PDGFC: variants seen among roughly 807,000 people sequenced by gnomAD.
PDGFC encodes platelet-derived growth factor C.
Under a neutral mutation model 35.5 loss-of-function variants are expected in PDGFC, and 12 were observed. The ratio of observed to expected loss-of-function variants is 0.34; its 90% CI spans 0.22 to 0.55. The LOEUF (loss-of-function observed/expected upper bound fraction) is 0.55, where lower values mean the gene tolerates loss of function less well. PDGFC is among the 20% of genes least tolerant of loss of function. The pLI, the probability that PDGFC is intolerant of heterozygous loss-of-function variation, is 0.91. For missense variants in PDGFC, 322 were observed against 412.4 expected (o/e 0.78, Z 1.90); for synonymous variants, 159 against 148.8 (o/e 1.07, Z -0.50).
chr4:156,799,425 T>C (rs1731536750), intron 3 of PDGFC, among the ~76,000 whole-genome samples: 1 of 152,182 alleles, frequency 6.6e-6, no homozygotes, highest in African/African-American at 2.4e-5. Flanking sequence ...AGTCCTTAGA[T>C]TTGTGTTTTC....
intron 1 of PDGFC, among the ~76,000 whole-genome samples, chr4:156,945,420 A>C (rs1731923848): frequency 1.5e-5 from 2 of 137,722 alleles, no homozygotes; most frequent in African/African-American, 5.3e-5. Context: ...CAACAGTAAT[A>C]TGCTTTCTTC....
At chr4:156,796,126 T>C (rs560681474) in intron 3 of PDGFC, among the ~76,000 whole-genome samples, 90 of 152,242 alleles carry the variant, frequency 5.9e-4, no homozygotes, top group African/African-American at 2.1e-3. Flanking sequence ...TGCAGAGTTT[T>C]AGATAAAGAT....
chr4:156,804,890 G>T (rs1276143635), intron 3 of PDGFC, among the ~76,000 whole-genome samples: 1 of 150,858 alleles, frequency 6.6e-6, no homozygotes, highest in Admixed American at 6.6e-5. Context: ...CAAACCTCAA[G>T]GTTTCAATTA....
chr4:156,773,386 T>C (rs1730739673), intron 3 of PDGFC, among the ~76,000 whole-genome samples: 1 of 152,148 alleles, frequency 6.6e-6, no homozygotes, highest in African/African-American at 2.4e-5. Context: ...TTAATCAAGA[T>C]AGAAAATATC....
chr4:156,760,960 T>C lies in PDGFC; in HGVS notation c.*2130A>G, dbSNP rs1290037396. On this transcript the variant is annotated 3_prime_UTR_variant, in exon 6 of 6. Coordinates refer to ENST00000502773, the MANE Select transcript of PDGFC (RefSeq NM_016205.3). ...TATATCTAGTTGGCCTCTATATGGATAGGACAAAACCAGGAAAAGGTAAGG... is the reference window on the plus strand; with the variant it reads ...TATATCTAGTTGGCCTCTATATGGACAGGACAAAACCAGGAAAAGGTAAGG... 6.6e-6 allele frequency: 1 copy of C among 152,082 alleles called. No individual in the cohort carries two copies. Among genetic ancestry groups the C allele is most frequent in the Non-Finnish European group, 1.5e-5 (1 of 68,028 alleles). 9.4% of individuals were successfully genotyped at this position (152,082 alleles called of 1,614,324 possible).
intron 1 of PDGFC, among the ~76,000 whole-genome samples, chr4:156,970,505 C>A (rs1203145229): frequency 6.6e-6 from 1 of 152,198 alleles, no homozygotes; most frequent in African/African-American, 2.4e-5. Flanking sequence ...AATGAGCGAA[C>A]CTGCAATGTG....
chr4:156,896,276 C>G (rs1468880556), intron 1 of PDGFC, among the ~76,000 whole-genome samples: 3 of 152,124 alleles, frequency 2.0e-5, no homozygotes, highest in Non-Finnish European at 4.4e-5. Flanking sequence ...TGAGGATTAA[C>G]AACTCTCCAC....
chr4:156,971,336 TCGG>T lies in PDGFC; in HGVS notation c.-436_-434del, dbSNP rs1732588517. On this transcript the variant is annotated 5_prime_UTR_variant, in exon 1 of 6. Transcript: ENST00000502773. ...GCCCGCAGCCAGACTGGAAGCCAAG[TCGG>T]CGGCGAGCAGTTTCTGATCAATAAC... 5.0e-6 allele frequency: 2 copies of T among 399,016 alleles called. No individual in the cohort carries two copies. The highest frequency in any genetic ancestry group is 8.8e-6 in the Non-Finnish European group (2 of 226,516). 24.7% of individuals were successfully genotyped at this position (399,016 alleles called of 1,614,324 possible). A position where few individuals can be genotyped will look rare whatever the true frequency, so the allele number is the denominator to read the frequency against.
chr4:156,860,242 A>G (rs1230434955), intron 1 of PDGFC, among the ~76,000 whole-genome samples: 1 of 152,186 alleles, frequency 6.6e-6, no homozygotes, highest in Non-Finnish European at 1.5e-5. Context: ...CTCAGGGCCA[A>G]CTTTGAAGAG....
At chr4:156,820,946 A>G (rs563602190) in intron 2 of PDGFC, among the ~76,000 whole-genome samples, 40 of 152,310 alleles carry the variant, frequency 2.6e-4, no homozygotes, top group Non-Finnish European at 4.9e-4. Flanking sequence ...AATATTTTGG[A>G]AAAAGGCTCT....
chr4:156,860,098 T>C (rs1729674582), intron 1 of PDGFC, among the ~76,000 whole-genome samples: 1 of 152,194 alleles, frequency 6.6e-6, no homozygotes, highest in Non-Finnish European at 1.5e-5. Flanking sequence ...TATGCTTTTA[T>C]TCAAAATAGA....
At chr4:156,827,214 G>T (rs1395942249) in intron 2 of PDGFC, among the ~76,000 whole-genome samples, 1 of 152,096 alleles carries the variant, frequency 6.6e-6, no homozygotes. Flanking sequence ...TCAGGAGATT[G>T]AGACCATCCT....
intron 3 of PDGFC, among the ~76,000 whole-genome samples, chr4:156,789,197 A>C (rs1356362205): frequency 2.0e-5 from 3 of 152,198 alleles, no homozygotes; most frequent in South Asian, 2.1e-4. Flanking sequence ...TTTTCCCTCT[A>C]ATCAAATACG....
chr4:156,772,512 T>G (rs1442376726), intron 4 of PDGFC, among the ~76,000 whole-genome samples, 174 bp downstream of exon 4: 4 of 152,140 alleles, frequency 2.6e-5, no homozygotes, highest in Admixed American at 1.3e-4. Context: ...ACTAAGTTCC[T>G]CCTTTTGTAT....
chr4:156,800,989 G>C (rs1001318134), intron 3 of PDGFC, among the ~76,000 whole-genome samples: 3 of 152,180 alleles, frequency 2.0e-5, no homozygotes, highest in Non-Finnish European at 4.4e-5. Context: ...TTGTTAAGGT[G>C]TAGAAGTAAA....
At chr4:156,929,145 G>C (rs1186382600) in intron 1 of PDGFC, among the ~76,000 whole-genome samples, 1 of 152,006 alleles carries the variant, frequency 6.6e-6, no homozygotes, top group Non-Finnish European at 1.5e-5. Context: ...ACCTCAATTT[G>C]GAAATAGTTT....
At chr4:156,893,453 A>T (rs1370811021) in intron 1 of PDGFC, among the ~76,000 whole-genome samples, 1 of 151,770 alleles carries the variant, frequency 6.6e-6, no homozygotes. Context: ...CAGCTTCTTG[A>T]GCAGTTGGGA....
intron 2 of PDGFC, among the ~76,000 whole-genome samples, chr4:156,828,743 C>G (rs1031385915): frequency 2.6e-5 from 4 of 152,088 alleles, no homozygotes; most frequent in African/African-American, 9.7e-5. Context: ...ACTTACATCA[C>G]TTTCATTTAT....
chr4:156,926,518 T>A (rs1009481357), intron 1 of PDGFC, among the ~76,000 whole-genome samples: 2 of 152,100 alleles, frequency 1.3e-5, no homozygotes, highest in South Asian at 2.1e-4. Context: ...TCCAGCAACA[T>A]TTGGAACAAA....
Sources: gnomAD v4.1 joint callset for allele counts (sites outside exome capture counted in the v4.1 genomes callset) on GRCh38, gnomAD v4.1.1 for gene constraint, MANE v1.5 for transcripts, NCBI Gene and HGNC (gene_info 2026-07-23, HGNC 2026-07-21) for gene names.